SEMA6D: variants seen among roughly 807,000 people sequenced by gnomAD.
SEMA6D encodes the protein semaphorin-6D.
Under a neutral mutation model 106.6 loss-of-function variants are expected in SEMA6D, and 35 were observed. That is an observed-to-expected ratio of 0.33 (90% CI 0.25 to 0.44). The LOEUF is 0.44. Among genes scored for constraint, SEMA6D ranks in the 20% least tolerant of loss-of-function variants. The pLI, the probability that SEMA6D is intolerant of heterozygous loss-of-function variation, is 1.00. For missense variants in SEMA6D, 1,185 were observed against 1,345.9 expected (o/e 0.88, Z 1.87); for synonymous variants, 499 against 487.7 (o/e 1.02, Z -0.31).
At chr15:47,406,407 G>A (rs2040569942) in intron 1 of SEMA6D, among the ~76,000 whole-genome samples, 1 of 152,088 alleles carries the variant, frequency 6.6e-6, no homozygotes, top group Admixed American at 6.6e-5. Context: ...CATAATAATA[G>A]CTCTACTGAG....
chr15:47,526,177 C>T (rs1159612521), intron 3 of SEMA6D, among the ~76,000 whole-genome samples: 1 of 152,178 alleles, frequency 6.6e-6, no homozygotes, highest in South Asian at 2.1e-4. Flanking sequence ...AGCTGGTACC[C>T]CATTCCTGCA....
intron 4 of SEMA6D, among the ~76,000 whole-genome samples, chr15:47,710,364 G>C (rs531815068): frequency 2.0e-5 from 3 of 152,168 alleles, no homozygotes; most frequent in Non-Finnish European, 4.4e-5. Context: ...ATATTTAATA[G>C]TATGCCTTGA....
chr15:47,577,355 C>T (rs556029299), intron 3 of SEMA6D, among the ~76,000 whole-genome samples: 13 of 152,322 alleles, frequency 8.5e-5, no homozygotes, highest in African/African-American at 3.1e-4. Flanking sequence ...TGGACTTTCT[C>T]AAATTTTTCC....
At chr15:47,461,526 T>G (rs2042509524) in intron 2 of SEMA6D, among the ~76,000 whole-genome samples, 1 of 152,056 alleles carries the variant, frequency 6.6e-6, no homozygotes, top group African/African-American at 2.4e-5. Flanking sequence ...AGAGTTAAAT[T>G]TCATGGTTAT....
chr15:47,741,482 C>T lies in SEMA6D; in HGVS notation c.-54-18263C>T, dbSNP rs192665746. ...CTGTAATCCCAACACTTTGGGAGGC[C>T]GAGGCGGGCAGATCACCTGAGGTCG... On this transcript the variant is annotated intron_variant, in intron 1 of 18. Coordinates refer to ENST00000536845, the MANE Select transcript of SEMA6D (RefSeq NM_001358351.3). 1.0e-3 allele frequency among the ~76,000 whole-genome samples: 155 copies of T among 152,242 alleles called. 3 individuals carry two copies. In the East Asian group the frequency reaches 0.021, roughly 20 times the overall value.
chr15:47,731,320 G>A (rs1185308367), intron 1 of SEMA6D, among the ~76,000 whole-genome samples: 3 of 137,174 alleles, frequency 2.2e-5, no homozygotes, highest in Admixed American at 7.4e-5. Flanking sequence ...CTGCCCCCCC[G>A]CCCCCGGTTG....
rs149534348 is a variant in SEMA6D, at chr15:47,666,230, A to G, written c.-55+65334A>G. On this transcript the variant is annotated intron_variant, in intron 4 of 19. Transcript: ENST00000558014. The stretch of plus-strand genomic sequence containing the variant: ...CTAGTGTTTACATCTTCACTGTGCC[A>G]TAAGAGGCGGTGAAAAGAAACAAGA... Among the ~76,000 whole-genome samples the G allele has an allele frequency of 4.7e-4, 71 of 152,350 alleles. 1 individual carries two copies. Among genetic ancestry groups the G allele is most frequent in the Non-Finnish European group, 8.4e-4 (57 of 68,030 alleles).
At chr15:47,343,109 A>G (rs921720212) in intron 1 of SEMA6D, among the ~76,000 whole-genome samples, 2 of 152,076 alleles carry the variant, frequency 1.3e-5, no homozygotes, top group East Asian at 1.9e-4. Context: ...GCCCTCATCT[A>G]TCTATACTTT....
intron 1 of SEMA6D, among the ~76,000 whole-genome samples, chr15:47,198,747 C>T (rs78048696): frequency 1.0e-3 from 157 of 152,240 alleles, no homozygotes; most frequent in African/African-American, 3.5e-3. Flanking sequence ...TTTTTCTAAA[C>T]CCAAAGCCCA....
At chr15:47,765,463 G>C in intron 13 of SEMA6D, 18 of 978,266 alleles carry the variant, frequency 1.8e-5, no homozygotes, top group Non-Finnish European at 2.2e-5. Flanking sequence ...TAATAAGTAA[G>C]AGAATATTTA....
intron 1 of SEMA6D, among the ~76,000 whole-genome samples, chr15:47,207,989 GCGCGCACA>G (rs923105438): frequency 1.9e-4 from 12 of 62,318 alleles, no homozygotes; most frequent in East Asian, 1.5e-3. Context: ...CCACTGGCGC[GCGCGCACA>G]CACACACACA....
At chr15:47,535,729 T>G (rs146573136) in intron 3 of SEMA6D, among the ~76,000 whole-genome samples, 1 of 150,832 alleles carries the variant, frequency 6.6e-6, no homozygotes, top group East Asian at 1.9e-4. Context: ...TTTTCAAAAG[T>G]TAGTATTTCA....
chr15:47,723,891 A>G (rs536078565), intron 1 of SEMA6D, among the ~76,000 whole-genome samples: 15 of 152,204 alleles, frequency 9.9e-5, no homozygotes, highest in Non-Finnish European at 1.8e-4. Context: ...TACTTAGCCT[A>G]TTATTGGAGT....
chr15:47,758,412 A>C (rs1366467195), intron 1 of SEMA6D, among the ~76,000 whole-genome samples: 3 of 152,100 alleles, frequency 2.0e-5, no homozygotes, highest in Non-Finnish European at 4.4e-5. Flanking sequence ...TTTGTTGTTC[A>C]GAACAGTAGC....
Position 47,433,026 on chromosome 15 carries a change from A to T in SEMA6D, c.-159+20554A>T, listed in dbSNP as rs2041588523. On this transcript the variant is annotated intron_variant, in intron 2 of 19. Transcript: ENST00000558014. ...ATAGGTTACTCAAAAATTTTGACTA[A>T]TTCCACAAAAATTTCCTGAGGCTTT... Among the ~76,000 whole-genome samples, 3 of 152,190 alleles carry T rather than the reference A, an allele frequency of 2.0e-5. No homozygotes were observed. The South Asian group carries it at 6.2e-4, about 32-fold the overall frequency.
At chr15:47,415,985 C>A (rs565454834) in intron 2 of SEMA6D, among the ~76,000 whole-genome samples, 1 of 152,192 alleles carries the variant, frequency 6.6e-6, no homozygotes, top group African/African-American at 2.4e-5. Flanking sequence ...CATAGTGGCC[C>A]AAATTTTCAT....
intron 1 of SEMA6D, among the ~76,000 whole-genome samples, chr15:47,735,823 A>G (rs1314750926): frequency 6.6e-6 from 1 of 152,234 alleles, no homozygotes; most frequent in African/African-American, 2.4e-5. Flanking sequence ...TGTAAGTCAC[A>G]GTATCAAGCC....
intron 1 of SEMA6D, among the ~76,000 whole-genome samples, chr15:47,376,927 A>G (rs2039469954): frequency 1.3e-5 from 2 of 152,280 alleles, no homozygotes; most frequent in African/African-American, 4.8e-5. Context: ...TGTAGTTTAA[A>G]CAACCTATTT....
At chr15:47,318,321 G>A (rs1344343846) in intron 1 of SEMA6D, among the ~76,000 whole-genome samples, 2 of 143,836 alleles carry the variant, frequency 1.4e-5, no homozygotes, top group Non-Finnish European at 3.0e-5. Flanking sequence ...CAATGTGCAG[G>A]TTAGTTACAT....
Sources: allele counts gnomAD v4.1 joint callset (sites outside exome capture counted in the v4.1 genomes callset), GRCh38; gene constraint gnomAD v4.1.1; transcripts MANE v1.5; gene names NCBI Gene and HGNC (gene_info 2026-07-23, HGNC 2026-07-21).